Variants in ADAM7 observed in about 807,000 individuals in gnomAD.
ADAM7 encodes ADAM metallopeptidase domain 7.
A neutral mutation model predicts 102.9 loss-of-function variants in ADAM7; 97 were observed. The ratio of observed to expected loss-of-function variants is 0.94; its 90% CI spans 0.80 to 1.12. ADAM7 has a LOEUF of 1.12. Ranked by LOEUF, ADAM7 falls within the 50% of genes most tolerant of loss-of-function variation. ADAM7 has a pLI of 0.00. For synonymous variants in ADAM7, 334 were observed against 304.4 expected (o/e 1.10, Z -1.01); for missense variants, 991 against 908.7 (o/e 1.09, Z -1.16).
At chr8:24,444,467 G>A (rs1270173508) in intron 2 of ADAM7, among the ~76,000 whole-genome samples, 1 of 151,646 alleles carries the variant, frequency 6.6e-6, no homozygotes, top group East Asian at 1.9e-4. Context: ...TTTACAGAGA[G>A]AAAGATGAAA....
At chr8:24,493,348 A>T in intron 16 of ADAM7, 119 bp downstream of exon 16, 1 of 909,972 alleles carries the variant, frequency 1.1e-6, no homozygotes, top group Non-Finnish European at 1.6e-6. Flanking sequence ...AATATTGACA[A>T]GTATTTTTTT....
intron 3 of ADAM7, among the ~76,000 whole-genome samples, chr8:24,460,751 A>ATG (rs55815837): frequency 5.0e-4 from 75 of 149,380 alleles, no homozygotes; most frequent in East Asian, 7.9e-4. Flanking sequence ...ATATGTATGT[A>ATG]TGTGTGTGTG....
intron 9 of ADAM7, among the ~76,000 whole-genome samples, chr8:24,482,954 C>T (rs536080589): frequency 1.3e-5 from 2 of 152,094 alleles, no homozygotes; most frequent in South Asian, 2.1e-4. Flanking sequence ...CATGTTGTAC[C>T]GTTCCAATAT....
intron 20 of ADAM7, among the ~76,000 whole-genome samples, chr8:24,503,167 A>T (rs2129396986): frequency 6.6e-6 from 1 of 152,330 alleles, no homozygotes; most frequent in East Asian, 1.9e-4. Context: ...CAGATAAATT[A>T]TTTGAAAAAA....
intron 3 of ADAM7, among the ~76,000 whole-genome samples, chr8:24,454,869 A>G (rs1818969742): frequency 6.6e-6 from 1 of 152,178 alleles, no homozygotes; most frequent in African/African-American, 2.4e-5. Flanking sequence ...AGAAATAGCG[A>G]TGAATCTTTC....
chr8:24,488,586 C>A (rs1162134982), intron 11 of ADAM7, among the ~76,000 whole-genome samples: 1 of 151,858 alleles, frequency 6.6e-6, no homozygotes, highest in African/African-American at 2.4e-5. Flanking sequence ...CTCTAAAGAC[C>A]TACTGTATTG....
At chr8:24,461,647 A>T (rs1819246119) in intron 3 of ADAM7, among the ~76,000 whole-genome samples, 1 of 151,772 alleles carries the variant, frequency 6.6e-6, no homozygotes, top group Admixed American at 6.6e-5. Flanking sequence ...TCAGTATGTT[A>T]GTCTTTTGAT....
At chr8:24,463,454 T>C (rs1361183097) in intron 3 of ADAM7, among the ~76,000 whole-genome samples, 1 of 152,164 alleles carries the variant, frequency 6.6e-6, no homozygotes, top group Non-Finnish European at 1.5e-5. Context: ...TTATAATTAA[T>C]ACATATTACT....
At chr8:24,465,010 C>G (rs1283527761) in intron 4 of ADAM7, among the ~76,000 whole-genome samples, 1 of 152,232 alleles carries the variant, frequency 6.6e-6, no homozygotes, top group East Asian at 1.9e-4. Context: ...TGGTCTCGAT[C>G]TCTTGACCTT....
intron 4 of ADAM7, 145 bp from the exon 5 acceptor site, chr8:24,465,554 A>T: frequency 4.4e-6 from 2 of 454,694 alleles, no homozygotes. Flanking sequence ...AAATGAAAGA[A>T]TTTAATGAAT....
intron 2 of ADAM7, among the ~76,000 whole-genome samples, chr8:24,446,760 TG>T (rs1205215371): frequency 1.3e-5 from 2 of 151,620 alleles, no homozygotes; most frequent in African/African-American, 4.8e-5. Flanking sequence ...CATGGACATA[TG>T]GTAAATGGTG....
chr8:24,495,192 C>T (rs991001867), intron 16 of ADAM7, among the ~76,000 whole-genome samples: 9 of 152,126 alleles, frequency 5.9e-5, no homozygotes, highest in Admixed American at 2.6e-4. Context: ...GAATAAGATC[C>T]TATAGCTCAT....
intron 9 of ADAM7, among the ~76,000 whole-genome samples, chr8:24,483,959 A>G (rs1448666141): frequency 6.6e-6 from 1 of 152,146 alleles, no homozygotes; most frequent in Non-Finnish European, 1.5e-5. Flanking sequence ...ATTGAGCATC[A>G]TATTTGGGAC....
intron 16 of ADAM7, 47 bp downstream of exon 16, chr8:24,493,276 T>C (rs1340867058): frequency 1.4e-6 from 2 of 1,477,826 alleles, no homozygotes; most frequent in East Asian, 2.4e-5. Context: ...AGTTCAATCC[T>C]TTAAAAACAT....
At chr8:24,446,974 A>G (rs556792825) in intron 2 of ADAM7, among the ~76,000 whole-genome samples, 1 of 151,170 alleles carries the variant, frequency 6.6e-6, no homozygotes, top group East Asian at 1.9e-4. Flanking sequence ...ACTAGAAGAA[A>G]TCTAGTTCTA....
chr8:24,507,300 G>A (rs569914024), intron 20 of ADAM7, among the ~76,000 whole-genome samples, 180 bp from the exon 21 acceptor site: 8 of 152,084 alleles, frequency 5.3e-5, no homozygotes, highest in East Asian at 1.9e-4. Context: ...CAATCCCATA[G>A]GAATTTACAA....
chr8:24,497,278 C>T (rs2129394573), intron 16 of ADAM7, among the ~76,000 whole-genome samples: 1 of 152,278 alleles, frequency 6.6e-6, no homozygotes, highest in Middle Eastern at 3.4e-3. Flanking sequence ...TGCCCAGTCT[C>T]ATGTATGTCT....
At chr8:24,502,134 A>ATT (rs1371919486) in intron 20 of ADAM7, among the ~76,000 whole-genome samples, 107 of 152,310 alleles carry the variant, frequency 7.0e-4, no homozygotes, top group African/African-American at 2.2e-3. Context: ...TAATTAGAAA[A>ATT]ATTCTCAGTT....
chr8:24,475,377 G>A (rs1463947084), intron 7 of ADAM7, among the ~76,000 whole-genome samples: 1 of 152,058 alleles, frequency 6.6e-6, no homozygotes, highest in African/African-American at 2.4e-5. Flanking sequence ...AGGGATAATG[G>A]GAATGCACAA....
Sources: allele counts gnomAD v4.1 joint callset (sites outside exome capture counted in the v4.1 genomes callset), GRCh38; gene constraint gnomAD v4.1.1; transcripts MANE v1.5; gene names NCBI Gene and HGNC (gene_info 2026-07-23, HGNC 2026-07-21).